Variants in MUC15 observed in about 807,000 individuals in gnomAD.
MUC15 encodes the protein mucin 15, cell surface associated.
In MUC15, 23 loss-of-function variants were observed where a neutral mutation model predicts 24.0. That is an observed-to-expected ratio of 0.96 (90% CI 0.69 to 1.36). The LOEUF is 1.36. Among genes scored for constraint, MUC15 ranks in the 40% most tolerant of loss-of-function variants. The pLI, the probability that MUC15 is intolerant of heterozygous loss-of-function variation, is 0.00. For missense variants in MUC15, 442 were observed against 428.2 expected (o/e 1.03, Z -0.29); for synonymous variants, 151 against 156.3 (o/e 0.97, Z 0.25).
intron 2 of MUC15, among the ~76,000 whole-genome samples, chr11:26,566,761 T>C (rs888816392): frequency 6.6e-6 from 1 of 151,466 alleles, no homozygotes; most frequent in East Asian, 1.9e-4. Flanking sequence ...TAGGGTGATA[T>C]AGGAAAATGT....
chr11:26,561,869 T>C (rs1426364598), intron 4 of MUC15, among the ~76,000 whole-genome samples: 1 of 151,976 alleles, frequency 6.6e-6, no homozygotes, highest in Non-Finnish European at 1.5e-5. Context: ...CTTGGTATCT[T>C]AAAGTACTAC....
chr11:26,564,730 C>CAT (rs1850477575), intron 3 of MUC15, among the ~76,000 whole-genome samples: 2 of 24,012 alleles, frequency 8.3e-5, no homozygotes, highest in Non-Finnish European at 1.6e-4. Flanking sequence ...CACACACACA[C>CAT]ACATATATAT....
chr11:26,562,994 C>G (rs1254401060), intron 4 of MUC15, 122 bp downstream of exon 4: 1 of 1,363,478 alleles, frequency 7.3e-7, no homozygotes, highest in Non-Finnish European at 9.7e-7. Context: ...CAGAATAAGT[C>G]TTTAGTTTGT....
intron 3 of MUC15, among the ~76,000 whole-genome samples, chr11:26,563,538 C>T (rs1590539979): frequency 1.3e-5 from 2 of 151,526 alleles, no homozygotes; most frequent in Non-Finnish European, 1.5e-5. Flanking sequence ...GCTCTATAGC[C>T]GTGTCTTGTG....
intron 3 of MUC15, among the ~76,000 whole-genome samples, chr11:26,564,690 T>TAC (rs1565108459): frequency 3.7e-4 from 7 of 18,674 alleles, no homozygotes; most frequent in East Asian, 3.4e-3. Context: ...TACTCATATA[T>TAC]ATACACACAC....
chr11:26,561,411 T>A (rs2134249747), intron 4 of MUC15, among the ~76,000 whole-genome samples, 186 bp from the exon 5 acceptor site: 1 of 152,146 alleles, frequency 6.6e-6, no homozygotes, highest in East Asian at 1.9e-4. Flanking sequence ...TTTATAAGAC[T>A]AAGAGTACAG....
chr11:26,564,716 CACACACACACACACACATATATATAT>C (rs1219592450), intron 3 of MUC15, among the ~76,000 whole-genome samples: 124 of 74,252 alleles, frequency 1.7e-3, no homozygotes, highest in Non-Finnish European at 2.8e-3. Context: ...CACACACACA[CACACACACACACACACATATATATAT>C]ATATATATAT....
chr11:26,564,704 C>T (rs1356230991), intron 3 of MUC15, among the ~76,000 whole-genome samples: 27 of 62,812 alleles, frequency 4.3e-4, no homozygotes, highest in South Asian at 4.0e-3. Flanking sequence ...CACACACACA[C>T]ACACACACAC....
intron 3 of MUC15, among the ~76,000 whole-genome samples, chr11:26,564,728 CACACATATATATATATATATATAT>C (rs1344954272): frequency 0.015 from 540 of 36,058 alleles, 2 homozygotes; most frequent in African/African-American, 0.032. Context: ...CACACACACA[CACACATATATATATATATATATAT>C]ATATATATAT....
At chr11:26,562,484 T>C (rs938625112) in intron 4 of MUC15, among the ~76,000 whole-genome samples, 1 of 151,910 alleles carries the variant, frequency 6.6e-6, no homozygotes, top group Non-Finnish European at 1.5e-5. Flanking sequence ...AAATATCAAA[T>C]TGATATTATA....
Position 26,561,005 on chromosome 11 carries a change from T to C in MUC15, c.*60A>G. The C allele has an allele frequency of 6.7e-7, 1 of 1,497,124 alleles. No homozygotes were observed. Among genetic ancestry groups the C allele is most frequent in the South Asian group, 1.3e-5 (1 of 78,658 alleles). The allele number at this position is 1,497,124 out of a possible 1,614,324, so 92.7% of individuals were successfully genotyped here. ...TTTGTGTAACCTTTTGAAAGATGAA[T>C]TTGTCAAAAGGCTAGGATGTAGATG... On this transcript the variant is annotated 3_prime_UTR_variant, in exon 5 of 5. Coordinates refer to ENST00000529533, the MANE Select transcript of MUC15 (RefSeq NM_001135091.2).
rs766276608 is a variant in MUC15 at position 26,565,755 on chromosome 11, A to G, written c.185T>C (p.Ile62Thr). The G allele has an allele frequency of 5.0e-6, 8 of 1,606,402 alleles. No homozygotes were observed. The East Asian group carries it at 8.9e-5, about 18-fold the overall frequency. ...TTCCATTGTTTTAAAAACTTCTGCA[A>G]TGTTCTGTGTTGTGTTTATGTCTTG... ...ENQDINTTQN[I>T]AEVFKTMENK... The change falls in exon 3 of 5, where the codon ATT becomes ACT. Residue 62 changes from isoleucine to threonine, a missense_variant. By Grantham distance (89) the Ile-to-Thr change is moderately conservative. Transcript: ENST00000529533.
At chr11:26,563,020 C>G in intron 4 of MUC15, 96 bp downstream of exon 4, 1 of 1,471,592 alleles carries the variant, frequency 6.8e-7, no homozygotes, top group Admixed American at 2.4e-5. Flanking sequence ...CATATGAATT[C>G]TTTTGGAATT....
rs1304213290 is a variant in MUC15 at position 26,559,481 on chromosome 11, T to G, written c.*1584A>C. ...TATAATCAGAAATGATGGTGGGGTATAAAGGGAATCAAGAGAGGAGAGAAG... is the reference window on the plus strand; with the variant it reads ...TATAATCAGAAATGATGGTGGGGTAGAAAGGGAATCAAGAGAGGAGAGAAG... On this transcript the variant is annotated 3_prime_UTR_variant, in exon 5 of 5. Coordinates refer to ENST00000529533, the MANE Select transcript of MUC15 (RefSeq NM_001135091.2). 1 of 450,312 alleles carries G rather than the reference T, an allele frequency of 2.2e-6. No homozygotes were observed. The highest frequency in any genetic ancestry group is 4.0e-6 in the Non-Finnish European group (1 of 251,630). 27.9% of individuals were successfully genotyped at this position (450,312 alleles called of 1,614,324 possible).
chr11:26,561,677 T>C (rs1850299718), intron 4 of MUC15, among the ~76,000 whole-genome samples: 2 of 152,110 alleles, frequency 1.3e-5, no homozygotes, highest in South Asian at 4.1e-4. Flanking sequence ...GGCTAAACCA[T>C]TTAAGGTGGA....
chr11:26,565,082 G>A (rs1850512427), intron 3 of MUC15, 83 bp downstream of exon 3: 1 of 1,320,484 alleles, frequency 7.6e-7, no homozygotes, highest in African/African-American at 1.5e-5. Context: ...TTTCCAGCAT[G>A]GTGATTCCTT....
intron 3 of MUC15, among the ~76,000 whole-genome samples, chr11:26,564,714 CACACACACACACACACACATATATATAT>C (rs1483449567): frequency 1.4e-5 from 1 of 72,984 alleles, no homozygotes; most frequent in Non-Finnish European, 2.6e-5. Context: ...CACACACACA[CACACACACACACACACACATATATATAT>C]ATATATATAT....
intron 3 of MUC15, among the ~76,000 whole-genome samples, chr11:26,564,504 TTA>T (rs1016059601): frequency 5.4e-4 from 81 of 150,766 alleles, no homozygotes; most frequent in African/African-American, 1.7e-3. Flanking sequence ...TAAAACTTAG[TTA>T]TTTTTTTTCA....
At chr11:26,565,117 G>T in intron 3 of MUC15, 48 bp downstream of exon 3, 1 of 1,476,796 alleles carries the variant, frequency 6.8e-7, no homozygotes, top group Non-Finnish European at 9.0e-7. Context: ...TGACTTATTT[G>T]GAATTTCAGT....
Sources: allele counts gnomAD v4.1 joint callset (sites outside exome capture counted in the v4.1 genomes callset), GRCh38; gene constraint gnomAD v4.1.1; transcripts MANE v1.5; gene names NCBI Gene and HGNC (gene_info 2026-07-23, HGNC 2026-07-21).